Variants in PPFIA2 observed in about 807,000 individuals in gnomAD.
PPFIA2 encodes the protein liprin-alpha-2.
PPFIA2 carries 46 observed loss-of-function variants against 175.5 expected under a neutral mutation model. The observed-to-expected ratio is 0.26, with a 90% confidence interval of 0.21 to 0.34. PPFIA2 has a LOEUF of 0.34. Among genes scored for constraint, PPFIA2 ranks in the 10% least tolerant of loss-of-function variants. The probability of loss-of-function intolerance (pLI) is 1.00; values close to 1 mark genes in which losing one functional copy is unlikely to be tolerated. For synonymous variants in PPFIA2, 568 were observed against 511.4 expected (o/e 1.11, Z -1.49); for missense variants, 1,179 against 1,506.1 (o/e 0.78, Z 3.60).
intron 4 of PPFIA2, among the ~76,000 whole-genome samples, chr12:81,535,171 G>C (rs1338327037): frequency 1.3e-5 from 2 of 151,738 alleles, no homozygotes; most frequent in African/African-American, 4.8e-5. Flanking sequence ...TAGTTGAGTA[G>C]ACATGAGAGC....
chr12:81,577,928 C>T (rs933877288), intron 4 of PPFIA2, among the ~76,000 whole-genome samples: 5 of 151,630 alleles, frequency 3.3e-5, no homozygotes, highest in South Asian at 2.1e-4. Context: ...GTTGAGTGGT[C>T]CAACCTTGGG....
intron 7 of PPFIA2, among the ~76,000 whole-genome samples, chr12:81,425,785 T>G (rs2047038071): frequency 6.6e-6 from 1 of 152,204 alleles, no homozygotes; most frequent in African/African-American, 2.4e-5. Context: ...TGTAAGTTAT[T>G]TTCTTCCTTA....
intron 4 of PPFIA2, among the ~76,000 whole-genome samples, chr12:81,572,490 ACAGT>A (rs1194939206): frequency 2.0e-5 from 3 of 151,972 alleles, no homozygotes; most frequent in Non-Finnish European, 4.4e-5. Flanking sequence ...CTCAATTAGA[ACAGT>A]CACTCTATTT....
intron 7 of PPFIA2, among the ~76,000 whole-genome samples, chr12:81,432,946 T>C (rs971192412): frequency 1.1e-4 from 16 of 151,644 alleles, no homozygotes; most frequent in African/African-American, 3.6e-4. Context: ...ACGTCAGCCT[T>C]ACACTTTACA....
rs527388516 is a variant in PPFIA2, at chr12:81,717,774, G to A, written c.249+36199C>T. Reference sequence around the variant, plus strand: ...TGTCTTAGGACAAGCTCCATGTAAGGAGAATCTGAGATGTGGATTCTTGTA... The same window carrying A: ...TGTCTTAGGACAAGCTCCATGTAAGAAGAATCTGAGATGTGGATTCTTGTA... On this transcript the variant is annotated intron_variant, in intron 3 of 32. Coordinates refer to ENST00000549396, the MANE Select transcript of PPFIA2 (RefSeq NM_003625.5). Among the ~76,000 whole-genome samples the A allele has an allele frequency of 2.2e-4, 34 of 151,784 alleles. No individual in the cohort carries two copies. The South Asian group carries it at 7.1e-3, about 31-fold the overall frequency.
At chr12:81,584,275 C>T (rs2074857583) in intron 4 of PPFIA2, among the ~76,000 whole-genome samples, 1 of 151,790 alleles carries the variant, frequency 6.6e-6, no homozygotes, top group Non-Finnish European at 1.5e-5. Flanking sequence ...TGTAGTCAGA[C>T]AGTGATAAAT....
At chr12:81,687,770 T>C (rs1166581742) in intron 3 of PPFIA2, among the ~76,000 whole-genome samples, 2 of 151,890 alleles carry the variant, frequency 1.3e-5, no homozygotes, top group East Asian at 3.9e-4. Flanking sequence ...ATTATAATAA[T>C]TAATATTAAT....
intron 4 of PPFIA2, among the ~76,000 whole-genome samples, chr12:81,604,003 T>C (rs1033428274): frequency 1.3e-5 from 2 of 151,718 alleles, no homozygotes; most frequent in Non-Finnish European, 3.0e-5. Flanking sequence ...GATTATCAGA[T>C]ACAATATCAG....
Position 81,714,208 on chromosome 12 carries a change from G to A in PPFIA2, c.250-37364C>T, listed in dbSNP as rs1038123709. 6.0e-5 allele frequency among the ~76,000 whole-genome samples: 9 copies of A among 151,130 alleles called. No homozygotes were observed. The South Asian group carries it at 6.2e-4, about 10-fold the overall frequency. ...TGTCCTTATATACATATAATAAGTA[G>A]ATACATTCATACACACTTTCATGCA... On this transcript the variant is annotated intron_variant, in intron 3 of 32. Transcript: ENST00000549396.
chr12:81,273,327 C>T (rs1227232423), intron 28 of PPFIA2, among the ~76,000 whole-genome samples: 1 of 151,978 alleles, frequency 6.6e-6, no homozygotes, highest in Non-Finnish European at 1.5e-5. Flanking sequence ...CCACCACCAC[C>T]CCACTCCGTT....
chr12:81,713,304 G>A (rs1013548277), intron 3 of PPFIA2, among the ~76,000 whole-genome samples: 3 of 150,900 alleles, frequency 2.0e-5, no homozygotes, highest in African/African-American at 7.3e-5. Context: ...AAAAAATTAA[G>A]ACACTTGCCC....
At chr12:81,752,463 A>G (rs1331208358) in intron 3 of PPFIA2, among the ~76,000 whole-genome samples, 1 of 152,210 alleles carries the variant, frequency 6.6e-6, no homozygotes, top group African/African-American at 2.4e-5. Flanking sequence ...CTGCCTTTTG[A>G]AATGAGTCAA....
intron 8 of PPFIA2, among the ~76,000 whole-genome samples, chr12:81,386,899 G>T (rs2039098404): frequency 6.6e-6 from 1 of 151,996 alleles, no homozygotes; most frequent in African/African-American, 2.4e-5. Context: ...TTTTTAATAT[G>T]CAATTTTGTT....
At chr12:81,676,238 A>G (rs968932583) in intron 4 of PPFIA2, among the ~76,000 whole-genome samples, 1 of 152,012 alleles carries the variant, frequency 6.6e-6, no homozygotes, top group Non-Finnish European at 1.5e-5. Context: ...TGTCATCTCT[A>G]TCAGTGTTTT....
At chr12:81,360,257 G>A (rs1373649630) in intron 15 of PPFIA2, among the ~76,000 whole-genome samples, 1 of 151,790 alleles carries the variant, frequency 6.6e-6, no homozygotes, top group Non-Finnish European at 1.5e-5. Context: ...CATTCTAGGT[G>A]TTCAGTATTT....
intron 4 of PPFIA2, among the ~76,000 whole-genome samples, chr12:81,636,124 A>G (rs916451897): frequency 1.2e-4 from 18 of 152,186 alleles, no homozygotes; most frequent in Admixed American, 6.5e-4. Flanking sequence ...ATGTTACAAA[A>G]TAATCTTTTT....
At chr12:81,704,488 T>A (rs1188545374) in intron 3 of PPFIA2, among the ~76,000 whole-genome samples, 1 of 152,070 alleles carries the variant, frequency 6.6e-6, no homozygotes, top group African/African-American at 2.4e-5. Flanking sequence ...GAAAAACACC[T>A]GTGAAATATG....
intron 4 of PPFIA2, among the ~76,000 whole-genome samples, chr12:81,498,496 T>C (rs1195204227): frequency 1.3e-5 from 2 of 152,210 alleles, no homozygotes; most frequent in Admixed American, 6.5e-5. Context: ...TATTTTTTCA[T>C]GATTACTCAT....
At position 81,596,880 on chromosome 12, in the gene PPFIA2, C is replaced by A. The variant is rs181018520; in HGVS notation, c.303+79911G>T. 2.3e-4 allele frequency among the ~76,000 whole-genome samples: 35 copies of A among 151,978 alleles called. 1 individual carries two copies. In the East Asian group the frequency reaches 6.6e-3, roughly 29 times the overall value. ...AGACATCAGTGTAAAACAGAAGAGG[C>A]AACAGAATTAAAAATAGAAGTATAG... On this transcript the variant is annotated intron_variant, in intron 4 of 32. Transcript: ENST00000549396.
Sources: gnomAD v4.1 joint callset for allele counts (sites outside exome capture counted in the v4.1 genomes callset) on GRCh38, gnomAD v4.1.1 for gene constraint, MANE v1.5 for transcripts, NCBI Gene and HGNC (gene_info 2026-07-23, HGNC 2026-07-21) for gene names.